PAPOLB: variants seen among roughly 807,000 people sequenced by gnomAD.
PAPOLB encodes PAP-beta.
In PAPOLB, 19 loss-of-function variants were observed where a neutral mutation model predicts 23.2. That is an observed-to-expected ratio of 0.82 (90% CI 0.57 to 1.20). PAPOLB has a LOEUF of 1.20. PAPOLB is among the 50% of genes most tolerant of loss of function. The probability of loss-of-function intolerance (pLI) is 0.00; values close to 1 mark genes in which losing one functional copy is unlikely to be tolerated. For missense variants in PAPOLB, 822 were observed against 776.8 expected (o/e 1.06, Z -0.69); for synonymous variants, 360 against 290.7 (o/e 1.24, Z -2.43).
In PAPOLB at chr7:4,860,307, CATG is replaced by C. The variant is rs751300171; in HGVS notation, c.1501_1503del (p.His501del). On this transcript the variant is annotated inframe_deletion, in exon 1 of 1. Transcript: ENST00000404991. ...GAGTGTGCTTTCTTGTCCTGAAGCA[CATG>C]ATGAGGCAGCAGCTGGTGAAGTTCC... 6.2e-7 allele frequency: 1 copy of C among 1,613,990 alleles called. No individual in the cohort carries two copies. The highest frequency in any genetic ancestry group is 8.5e-7 in the Non-Finnish European group (1 of 1,179,894).
In PAPOLB at chr7:4,861,833, G is replaced by GACAC; in HGVS notation, c.-24_-23insGTGT. 8.0e-7 allele frequency: 1 copy of GACAC among 1,246,612 alleles called. No homozygotes were observed. The highest frequency in any genetic ancestry group is 2.9e-5 in the East Asian group (1 of 34,928). 77.2% of individuals were successfully genotyped at this position (1,246,612 alleles called of 1,614,324 possible). On this transcript the variant is annotated 5_prime_UTR_variant, in exon 1 of 1. An upstream open reading frame in the 5' UTR loses its in-frame stop. Transcript: ENST00000404991. ...CATCTTTCAGCGCCCGCCCCGCCAG[G>GACAC]GCACGTCCCCCACCACCGCGACCTT...
rs1439462107 is a variant in PAPOLB, at chr7:4,859,887, T to C, written c.*10A>G. On this transcript the variant is annotated 3_prime_UTR_variant, in exon 1 of 1. Transcript: ENST00000404991. ...TTCTTTATGAGGCAAGAATATCCTC[T>C]AGACTCCAACTATAGGATTAGATAT... The C allele has an allele frequency of 1.9e-6, 3 of 1,567,370 alleles. No individual in the cohort carries two copies. The East Asian group carries it at 6.7e-5, about 35-fold the overall frequency.
Position 4,861,468 on chromosome 7 carries a change from T to C in PAPOLB, c.343A>G (p.Ile115Val). The C allele has an allele frequency of 6.2e-7, 1 of 1,614,152 alleles. No homozygotes were observed. The highest frequency in any genetic ancestry group is 8.5e-7 in the Non-Finnish European group (1 of 1,179,980). ...RLGVHTKGAD[I>V]DALCVAPSHV... ...CTTGGTGCAACGCACAAGGCGTCAATATCTGCGCCTTTCGTATGTACTCCT... is the reference window on the plus strand; with the variant it reads ...CTTGGTGCAACGCACAAGGCGTCAACATCTGCGCCTTTCGTATGTACTCCT... The change falls in exon 1 of 1, where the codon ATT (isoleucine) becomes GTT (valine). Residue 115 changes from isoleucine to valine, a missense_variant. Ile to Val is a conservative substitution (Grantham distance 29). Coordinates refer to ENST00000404991, the MANE Select transcript of PAPOLB (RefSeq NM_020144.5).
Position 4,861,044 on chromosome 7 carries a change from C to A in PAPOLB, c.767G>T (p.Arg256Ile). 6.2e-7 allele frequency: 1 copy of A among 1,614,208 alleles called. No homozygotes were observed. Among genetic ancestry groups the A allele is most frequent in the Middle Eastern group, 1.6e-4 (1 of 6,062 alleles). Residue 256 changes from arginine (R) to isoleucine (I), a missense_variant, in exon 1 of 1, where the codon AGA becomes ATA. This residue lies in a region of PAPOLB where 534 missense variants were observed against 502.8 expected (regional missense o/e 1.06). Transcript: ENST00000404991. Reference protein sequence around the residue: ...GGVSWAMLVARTCQLYPNAVA... With the variant: ...GGVSWAMLVAITCQLYPNAVA... ...TGCATTTGGATAAAGCTGACAAGTTCTTGCTACTAGCATGGCCCAGGAAAC... is the reference window on the plus strand; with the variant it reads ...TGCATTTGGATAAAGCTGACAAGTTATTGCTACTAGCATGGCCCAGGAAAC...
rs1583312373 is a variant in PAPOLB at position 4,857,869 on chromosome 7, G to GA, written c.*2027dup. 1 of 152,444 alleles carries GA rather than the reference G, an allele frequency of 6.6e-6. No homozygotes were observed. The highest frequency in any genetic ancestry group is 2.4e-5 in the African/African-American group (1 of 41,412). 9.4% of individuals were successfully genotyped at this position (152,444 alleles called of 1,614,324 possible). ...ACTCCACTCACTAGGTACATCACAT[G>GA]AAAAAATGGTCTGACATTCAGGTAA... On this transcript the variant is annotated 3_prime_UTR_variant, in exon 1 of 1. Coordinates refer to ENST00000404991, the MANE Select transcript of PAPOLB (RefSeq NM_020144.5).
rs1381376029 is a variant in PAPOLB, at chr7:4,861,278, G to T, written c.533C>A (p.Thr178Asn). 1 of 1,614,134 alleles carries T rather than the reference G, an allele frequency of 6.2e-7. No homozygotes were observed. Among genetic ancestry groups the T allele is most frequent in the East Asian group, 2.2e-5 (1 of 44,888 alleles). ...TCTTAAGTCCAAATCTTCTGGAATA[G>T]TCTGTAGTGCTAATCTTGCAAATAA... is the stretch of plus-strand genomic sequence containing the variant. ...DILFARLALQ[T>N]IPEDLDLRDD... The change falls in exon 1 of 1, where the codon ACT becomes AAT. Residue 178 changes from threonine (T) to asparagine (N), a missense_variant. This residue lies in a region of PAPOLB where 276 missense variants were observed against 243.9 expected (regional missense o/e 1.13). Transcript: ENST00000404991.
chr7:4,860,831 G>A lies in PAPOLB; in HGVS notation c.980C>T (p.Thr327Ile), dbSNP rs1783970969. ...ITPAYPQQNS[T>I]YNVSISTRMV... ...CCTGGTTGAAATAGACACGTTGTAT[G>A]TGGAGTTCTGCTGTGGGTATGCTGG... The change falls in exon 1 of 1, where the codon ACA becomes ATA. Residue 327 changes from threonine to isoleucine, a missense_variant. Thr to Ile is a moderately conservative substitution (Grantham distance 89, BLOSUM62 -1). Transcript: ENST00000404991. 1.9e-6 allele frequency: 3 copies of A among 1,614,078 alleles called. No individual in the cohort carries two copies. The highest frequency in any genetic ancestry group is 2.5e-6 in the Non-Finnish European group (3 of 1,180,038).
rs758109462 is a variant in PAPOLB at position 4,860,732 on chromosome 7, G to T, written c.1079C>A (p.Ser360Tyr). ...GAAGCTTGGAGCTTCAAAGAGTTTG[G>T]ACCACTCTGCCTTACTTAGCAAAAT... Reference protein sequence around the residue: ...HEILLSKAEWSKLFEAPSFFQ... With the variant: ...HEILLSKAEWYKLFEAPSFFQ... The change falls in exon 1 of 1, where the codon TCC becomes TAC. Residue 360 changes from serine to tyrosine, a missense_variant. Ser to Tyr is a moderately radical substitution (Grantham distance 144). Around this residue, in one of 3 missense-constraint regions of PAPOLB, gnomAD observed 534 missense variants for 502.8 expected, o/e 1.06. Transcript: ENST00000404991. 1.9e-6 allele frequency: 3 copies of T among 1,614,034 alleles called. No individual in the cohort carries two copies. The highest frequency in any genetic ancestry group is 2.5e-6 in the Non-Finnish European group (3 of 1,179,948).
chr7:4,860,472 G>A lies in PAPOLB; in HGVS notation c.1339C>T (p.Pro447Ser), dbSNP rs374500784. The change falls in exon 1 of 1, where the codon CCA becomes TCA. Residue 447 changes from proline (P) to serine (S), a missense_variant. Transcript: ENST00000404991. ...ATGCTGAGAATTTCAGAATTATCTG[G>A]CTTTTTTAGCCCTAACCCAATCACC... ...MWVIGLGLKK[P>S]DNSEILSIDL... 6.8e-6 allele frequency: 11 copies of A among 1,613,968 alleles called. No homozygotes were observed. Among genetic ancestry groups the A allele is most frequent in the Middle Eastern group, 3.3e-4 (2 of 6,078 alleles).
rs756743325 is a variant in PAPOLB, at chr7:4,861,462, C to T, written c.349G>A (p.Ala117Thr). Residue 117 changes from alanine (A) to threonine (T), a missense_variant, in exon 1 of 1, where the codon GCC becomes ACC. Ala to Thr is a moderately conservative substitution (Grantham distance 58). Around this residue, in one of 3 missense-constraint regions of PAPOLB, gnomAD observed 276 missense variants for 243.9 expected, o/e 1.13. Transcript: ENST00000404991. ...GVHTKGADID[A>T]LCVAPSHVDR... Reference sequence around the variant, plus strand: ...ACATGACTTGGTGCAACGCACAAGGCGTCAATATCTGCGCCTTTCGTATGT... The same window carrying T: ...ACATGACTTGGTGCAACGCACAAGGTGTCAATATCTGCGCCTTTCGTATGT... 5.6e-6 allele frequency: 9 copies of T among 1,614,092 alleles called. No homozygotes were observed. The highest frequency in any genetic ancestry group is 1.6e-4 in the Middle Eastern group (1 of 6,062).
chr7:4,861,828 G>T lies in PAPOLB; in HGVS notation c.-18C>A. 7.8e-7 allele frequency: 1 copy of T among 1,274,082 alleles called. No individual in the cohort carries two copies. Among genetic ancestry groups the T allele is most frequent in the Non-Finnish European group, 9.9e-7 (1 of 1,006,774 alleles). The allele number at this position is 1,274,082 out of a possible 1,614,324, so 78.9% of individuals were successfully genotyped here. On this transcript the variant is annotated 5_prime_UTR_variant, in exon 1 of 1. Coordinates refer to ENST00000404991, the MANE Select transcript of PAPOLB (RefSeq NM_020144.5). ...GGCATCATCTTTCAGCGCCCGCCCCGCCAGGGCACGTCCCCCACCACCGCG... is the reference window on the plus strand; with the variant it reads ...GGCATCATCTTTCAGCGCCCGCCCCTCCAGGGCACGTCCCCCACCACCGCG...
At position 4,860,382 on chromosome 7, in the gene PAPOLB, T is replaced by C. The variant is rs752096467; in HGVS notation, c.1429A>G (p.Met477Val). The change falls in exon 1 of 1, where the codon ATG becomes GTG. Residue 477 changes from methionine to valine, a missense_variant. Met to Val is a conservative substitution (Grantham distance 21). This residue lies in a region of PAPOLB where 534 missense variants were observed against 502.8 expected (regional missense o/e 1.06). Coordinates refer to ENST00000404991, the MANE Select transcript of PAPOLB (RefSeq NM_020144.5). Reference sequence around the variant, plus strand: ...GTAATTTTCATACCCATCTCAAACATCTTACTATTCACTGCTTGCCTATAA... The same window carrying C: ...GTAATTTTCATACCCATCTCAAACACCTTACTATTCACTGCTTGCCTATAA... ...TVYRQAVNSKMFEMGMKITAM... is the reference protein window; with the variant it reads ...TVYRQAVNSKVFEMGMKITAM... The C allele has an allele frequency of 6.2e-7, 1 of 1,613,918 alleles. No homozygotes were observed. Among genetic ancestry groups the C allele is most frequent in the Admixed American group, 1.7e-5 (1 of 60,016 alleles).
In PAPOLB at chr7:4,861,686, C is replaced by T; in HGVS notation, c.125G>A (p.Arg42Lys). 1 of 1,587,710 alleles carries T rather than the reference C, an allele frequency of 6.3e-7. No individual in the cohort carries two copies. Among genetic ancestry groups the T allele is most frequent in the Non-Finnish European group, 8.6e-7 (1 of 1,168,172 alleles). ...GAAGGGCCTGAGGGTTTCTATTAGC[C>T]TCTGGGTGAGGAGGCAGTCCGTCTC... Reference protein sequence around the residue: ...PKETDCLLTQRLIETLRPFGV... With the variant: ...PKETDCLLTQKLIETLRPFGV... Residue 42 changes from arginine to lysine, a missense_variant, in exon 1 of 1, where the codon AGG (arginine) becomes AAG (lysine). By Grantham distance (26) the Arg-to-Lys change is conservative. Transcript: ENST00000404991.
In PAPOLB at chr7:4,858,907, T is replaced by A. The variant is rs1290459358; in HGVS notation, c.*990A>T. ...AAGAGAAGAGAGGGAGGCAAAAAGC[T>A]TTTTTGTTTTAGGACTAATGATTGA... is the stretch of plus-strand genomic sequence containing the variant. On this transcript the variant is annotated 3_prime_UTR_variant, in exon 1 of 1. Transcript: ENST00000404991. The A allele has an allele frequency of 6.6e-6, 1 of 152,184 alleles. No individual in the cohort carries two copies. The highest frequency in any genetic ancestry group is 1.5e-5 in the Non-Finnish European group (1 of 68,030). The allele number at this position is 152,184 out of a possible 1,614,324, so 9.4% of individuals were successfully genotyped here. A position where few individuals can be genotyped will look rare whatever the true frequency, so the allele number is the denominator to read the frequency against.
In PAPOLB at chr7:4,860,566, T is replaced by C. The variant is rs1783961143; in HGVS notation, c.1245A>G (p.Ala415=). The change falls in exon 1 of 1, where the codon GCA becomes GCG. Residue 415 remains alanine (A), a synonymous_variant. Coordinates refer to ENST00000404991, the MANE Select transcript of PAPOLB (RefSeq NM_020144.5). The part of the protein sequence containing the change: ...SLEKNEFITL[A]HVNPQSFPAP... The stretch of plus-strand genomic sequence containing the variant: ...CTGGAAATGACTGTGGATTCACATG[T>C]GCCAGTGTAATAAATTCATTCTTCT... The C allele has an allele frequency of 6.2e-7, 1 of 1,614,124 alleles. No homozygotes were observed. The highest frequency in any genetic ancestry group is 1.3e-5 in the African/African-American group (1 of 74,952).
chr7:4,861,278 GTCTGTAGTGCTAA>G lies in PAPOLB; in HGVS notation c.520_532del (p.Ala175PhefsTer7). 6.2e-7 allele frequency: 1 copy of G among 1,614,134 alleles called. No individual in the cohort carries two copies. Among genetic ancestry groups the G allele is most frequent in the Non-Finnish European group, 8.5e-7 (1 of 1,179,964 alleles). ...TCTTAAGTCCAAATCTTCTGGAATA[GTCTGTAGTGCTAA>G]TCTTGCAAATAAAATATCAATCTCT... On this transcript the variant is annotated frameshift_variant, in exon 1 of 1. Transcript: ENST00000404991. LOFTEE classifies it high-confidence loss of function.
chr7:4,860,452 G>C lies in PAPOLB; in HGVS notation c.1359C>G (p.Leu453=). 1 of 1,614,170 alleles carries C rather than the reference G, an allele frequency of 6.2e-7. No individual in the cohort carries two copies. The highest frequency in any genetic ancestry group is 8.5e-7 in the Non-Finnish European group (1 of 1,179,990). Reference sequence around the variant, plus strand: ...GGATATCATAGGTGAGATCAATGCTGAGAATTTCAGAATTATCTGGCTTTT... The same window carrying C: ...GGATATCATAGGTGAGATCAATGCTCAGAATTTCAGAATTATCTGGCTTTT... ...GLKKPDNSEI[L]SIDLTYDIQS... is the part of the protein sequence containing the mutation. The change falls in exon 1 of 1, where the codon CTC becomes CTG. Residue 453 remains leucine (L), a synonymous_variant. Transcript: ENST00000404991.
chr7:4,861,853 G>GACCTTCACGTCCCCCACCACCGCA lies in PAPOLB; in HGVS notation c.-44_-43insTGCGGTGGTGGGGGACGTGAAGGT. The GACCTTCACGTCCCCCACCACCGCA allele has an allele frequency of 4.5e-6, 6 of 1,336,898 alleles. No homozygotes were observed. The highest frequency in any genetic ancestry group is 5.9e-6 in the Non-Finnish European group (6 of 1,021,438). The allele number at this position is 1,336,898 out of a possible 1,614,324, so 82.8% of individuals were successfully genotyped here. On this transcript the variant is annotated 5_prime_UTR_variant, in exon 1 of 1. Transcript: ENST00000404991. ...GCCAGGGCACGTCCCCCACCACCGC[G>GACCTTCACGTCCCCCACCACCGCA]ACCTTCGCGGCCGCCGCCCGGGTCA...
Position 4,860,805 on chromosome 7 carries a change from T to C in PAPOLB, c.1006A>G (p.Met336Val). 1 of 1,614,158 alleles carries C rather than the reference T, an allele frequency of 6.2e-7. No homozygotes were observed. Among genetic ancestry groups the C allele is most frequent in the South Asian group, 1.1e-5 (1 of 91,078 alleles). Reference protein sequence around the residue: ...STYNVSISTRMVMIEEFKQGL... With the variant: ...STYNVSISTRVVMIEEFKQGL... ...TGTTTAAACTCCTCAATCATGACCA[T>C]CCTGGTTGAAATAGACACGTTGTAT... Residue 336 changes from methionine (M) to valine (V), a missense_variant, in exon 1 of 1, where the codon ATG becomes GTG. Physicochemically the swap from Met to Val is conservative, Grantham distance 21. Transcript: ENST00000404991.
Sources: allele counts gnomAD v4.1 joint callset, GRCh38; gene constraint gnomAD v4.1.1; regional missense constraint gnomAD v4.1.1; transcripts MANE v1.5; gene names NCBI Gene and HGNC (gene_info 2026-07-23, HGNC 2026-07-21).